Variants in RYR1 observed in about 807,000 individuals in gnomAD.
RYR1 encodes the protein central core disease of muscle.
RYR1 carries 342 observed loss-of-function variants against 583.5 expected under a neutral mutation model. The ratio of observed to expected loss-of-function variants is 0.59; its 90% CI spans 0.54 to 0.64. The LOEUF (loss-of-function observed/expected upper bound fraction) is 0.64, where lower values mean the gene tolerates loss of function less well. RYR1 is among the 30% of genes least tolerant of loss of function. RYR1 has a pLI of 0.00. For synonymous variants in RYR1, 2,791 were observed against 2,822.5 expected (o/e 0.99, Z 0.35); for missense variants, 6,032 against 6,917.2 (o/e 0.87, Z 4.54).
At chr19:38,521,221 G>A (rs1192206944) in intron 67 of RYR1, among the ~76,000 whole-genome samples, 3 of 152,202 alleles carry the variant, frequency 2.0e-5, no homozygotes, top group Admixed American at 1.3e-4. Flanking sequence ...TTGAGCCCAG[G>A]AGGTCAAAGC....
In RYR1 at chr19:38,565,645, G is replaced by A. The variant is rs1399733263; in HGVS notation, c.13311G>A (p.Ala4437=). 2 of 1,392,318 alleles carry A rather than the reference G, an allele frequency of 1.4e-6. No individual in the cohort carries two copies. The highest frequency in any genetic ancestry group is 1.8e-6 in the Non-Finnish European group (2 of 1,084,232). The allele number at this position is 1,392,318 out of a possible 1,614,324, so 86.2% of individuals were successfully genotyped here. A position where few individuals can be genotyped will look rare whatever the true frequency, so the allele number is the denominator to read the frequency against. The change falls in exon 91 of 106, where the codon GCG becomes GCA. Residue 4437 remains alanine (A), a synonymous_variant. Coordinates refer to ENST00000359596, the MANE Select transcript of RYR1 (RefSeq NM_000540.3). This position sits in a 1 kb window ranked among gnomAD's most constrained non-coding sequence, Gnocchi z 4.7. The part of the protein sequence containing the change: ...HEAGPGGADG[A]VAVTDGGPFR... Reference sequence around the variant, plus strand: ...CCGGGCCGGGCGGTGCCGACGGGGCGGTGGCCGTGACCGATGGGGGCCCCT... The same window carrying A: ...CCGGGCCGGGCGGTGCCGACGGGGCAGTGGCCGTGACCGATGGGGGCCCCT...
chr19:38,459,753 G>A (rs73930587), intron 19 of RYR1, among the ~76,000 whole-genome samples: 26,754 of 151,838 alleles, frequency 0.18, 2,713 homozygotes, highest in East Asian at 0.37. Flanking sequence ...ATGATCTAAT[G>A]ACTCCAGACC....
rs746614938 is a variant in RYR1, at chr19:38,517,698, C to CG, written c.10018+13dup. 4 of 1,610,748 alleles carry CG rather than the reference C, an allele frequency of 2.5e-6. No individual in the cohort carries two copies. Among genetic ancestry groups the CG allele is most frequent in the Admixed American group, 1.7e-5 (1 of 59,980 alleles). Reference sequence around the variant, plus strand: ...TGGATGAAGCGGCTGGCTGGTGGGTCGGGGGGCACTGGGCCTCTGAGGGGT... The same window carrying CG: ...TGGATGAAGCGGCTGGCTGGTGGGTCGGGGGGGCACTGGGCCTCTGAGGGGT... On this transcript the variant is annotated splice_region_variant and intron_variant, in intron 66 of 105. Coordinates refer to ENST00000359596, the MANE Select transcript of RYR1 (RefSeq NM_000540.3).
intron 90 of RYR1, among the ~76,000 whole-genome samples, chr19:38,563,885 G>A (rs1973265532): frequency 6.6e-6 from 1 of 152,128 alleles, no homozygotes; most frequent in Non-Finnish European, 1.5e-5. Flanking sequence ...GTGTCACCTG[G>A]GCATGTAACT....
At chr19:38,484,438 CCCTT>C (rs576397407) in intron 33 of RYR1, among the ~76,000 whole-genome samples, 9 of 140,324 alleles carry the variant, frequency 6.4e-5, no homozygotes, top group African/African-American at 1.1e-4. Flanking sequence ...CTCCCTCCCT[CCCTT>C]CCTTCCTTCC....
intron 75 of RYR1, 97 bp from the exon 76 acceptor site, chr19:38,528,854 G>A: frequency 2.0e-6 from 3 of 1,487,562 alleles, no homozygotes; most frequent in Non-Finnish European, 2.8e-6. Flanking sequence ...CAGGATGTGG[G>A]AAAAGAGAAA....
chr19:38,528,020 G>T (rs1328274519), intron 73 of RYR1: 1 of 621,106 alleles, frequency 1.6e-6, no homozygotes, highest in Non-Finnish European at 2.8e-6. Context: ...TAGGGGTGGG[G>T]CCTAGAGGAG....
At chr19:38,581,572 G>C (rs898980921) in intron 101 of RYR1, among the ~76,000 whole-genome samples, 7 of 151,856 alleles carry the variant, frequency 4.6e-5, no homozygotes, top group Admixed American at 2.6e-4. Flanking sequence ...CTTCGCCATT[G>C]TTTCAATATT....
At chr19:38,443,286 C>T (rs1256303724) in intron 3 of RYR1, among the ~76,000 whole-genome samples, 1 of 152,114 alleles carries the variant, frequency 6.6e-6, no homozygotes, top group Non-Finnish European at 1.5e-5. Flanking sequence ...TGATTTCCAG[C>T]CAAGGTGAAG....
chr19:38,498,518 C>T (rs1969950402), intron 42 of RYR1, among the ~76,000 whole-genome samples: 1 of 152,104 alleles, frequency 6.6e-6, no homozygotes. Flanking sequence ...AAAGTGAAAG[C>T]AAGTTTATTA....
chr19:38,515,677 C>T (rs559145290), intron 64 of RYR1, among the ~76,000 whole-genome samples: 1 of 152,022 alleles, frequency 6.6e-6, no homozygotes, highest in South Asian at 2.1e-4. Context: ...GGTGTAGTGG[C>T]GCTGGTGCCT....
intron 23 of RYR1, among the ~76,000 whole-genome samples, chr19:38,465,658 G>A (rs1250633910): frequency 2.6e-5 from 4 of 152,080 alleles, no homozygotes; most frequent in Admixed American, 1.3e-4. Context: ...CTGCTACTCC[G>A]GAGGCTGAGG....
In RYR1 at chr19:38,485,747, G is replaced by A. The variant is rs763281057; in HGVS notation, c.5092G>A (p.Glu1698Lys). The A allele has an allele frequency of 2.5e-6, 4 of 1,612,770 alleles. No individual in the cohort carries two copies. The East Asian group carries it at 8.9e-5, about 36-fold the overall frequency. ...VDQAQLLHAL[E>K]DAHLPGPLRA... is the part of the protein sequence containing the mutation. ...CCAAGCTCAGCTGCTGCACGCCCTG[G>A]AGGACGCGCACCTGCCAGGCCCACT... Residue 1698 changes from glutamate to lysine, a missense_variant, in exon 34 of 106, where the codon GAG becomes AAG. By Grantham distance (56) the Glu-to-Lys change is moderately conservative. Around this residue, in one of 11 missense-constraint regions of RYR1, gnomAD observed 2,627 missense variants for 2,961.3 expected, o/e 0.89. Coordinates refer to ENST00000359596, the MANE Select transcript of RYR1 (RefSeq NM_000540.3).
rs377584912 is a variant in RYR1 at position 38,467,749 on chromosome 19, C to G, written c.3318C>G (p.Pro1106=). The G allele has an allele frequency of 3.7e-6, 6 of 1,614,064 alleles. No individual in the cohort carries two copies. Among genetic ancestry groups the G allele is most frequent in the Non-Finnish European group, 5.1e-6 (6 of 1,180,048 alleles). Residue 1106 remains proline (P), a synonymous_variant, in exon 25 of 106, where the codon CCC becomes CCG. Transcript: ENST00000359596. ...AGATGCGCGTGGGCTGGGCGAGGCC[C>G]GAGCTGAGGCCTGATGTAGAGCTGG... ...TGEMRVGWAR[P]ELRPDVELGA...
intron 7 of RYR1, 148 bp from the exon 8 acceptor site, chr19:38,446,324 C>A: frequency 1.4e-6 from 1 of 694,660 alleles, no homozygotes; most frequent in South Asian, 1.5e-5. Context: ...CCTGAAAATA[C>A]CCTGAAACTC....
intron 102 of RYR1, among the ~76,000 whole-genome samples, chr19:38,585,517 G>A (rs539506868): frequency 6.7e-5 from 10 of 149,798 alleles, no homozygotes; most frequent in East Asian, 3.9e-4. Context: ...TCTGTTGCCC[G>A]GGCCAGAGTT....
Position 38,490,190 on chromosome 19 carries a change from T to A in RYR1, c.5929T>A (p.Tyr1977Asn). The A allele has an allele frequency of 6.2e-7, 1 of 1,614,230 alleles. No homozygotes were observed. The highest frequency in any genetic ancestry group is 8.5e-7 in the Non-Finnish European group (1 of 1,180,034). ...DKLQANQRSR[Y>N]GLLIKAFSMT... ...GCTCCAGGCCAACCAGCGGAGCCGC[T>A]ATGGCCTCCTCATAAAAGCCTTCAG... The change falls in exon 36 of 106, where the codon TAT (tyrosine) becomes AAT (asparagine). Residue 1977 changes from tyrosine to asparagine, a missense_variant. By Grantham distance (143) the Tyr-to-Asn change is moderately radical (BLOSUM62 -2). Transcript: ENST00000359596.
intron 84 of RYR1, among the ~76,000 whole-genome samples, chr19:38,540,114 C>T (rs565891363): frequency 1.3e-5 from 2 of 151,934 alleles, no homozygotes; most frequent in East Asian, 3.9e-4. Context: ...GAAAGAAAAA[C>T]GGGGGGCAAA....
chr19:38,461,500 G>C (rs938206845), intron 20 of RYR1, among the ~76,000 whole-genome samples: 8 of 151,970 alleles, frequency 5.3e-5, no homozygotes, highest in Non-Finnish European at 1.0e-4. Context: ...AGAGGCCGAG[G>C]CAGGATTGCT....
Sources: allele counts gnomAD v4.1 joint callset (sites outside exome capture counted in the v4.1 genomes callset), GRCh38; gene constraint gnomAD v4.1.1; regional missense constraint gnomAD v4.1.1; non-coding constraint Gnocchi (gnomAD v3.1); transcripts MANE v1.5; gene names NCBI Gene and HGNC (gene_info 2026-07-23, HGNC 2026-07-21).